KLHL32: variants seen among roughly 807,000 people sequenced by gnomAD.
The protein encoded by KLHL32 is kelch-like protein 32.
A neutral mutation model predicts 64.8 loss-of-function variants in KLHL32; 35 were observed. The ratio of observed to expected loss-of-function variants is 0.54; its 90% confidence interval spans 0.41 to 0.72. KLHL32 has a LOEUF of 0.72. KLHL32 is among the 30% of genes least tolerant of loss of function. KLHL32 has a pLI of 0.00. For missense variants in KLHL32, 589 were observed against 768.5 expected, an observed-to-expected ratio of 0.77 and a Z score of 2.76; for synonymous variants, 259 against 281.0, an observed-to-expected ratio of 0.92 and a Z score of 0.78.
At chr6:97,010,795 A>T (rs1780310310) in intron 3 of KLHL32, among the ~76,000 whole-genome samples, 1 of 152,238 alleles carries the variant, frequency 6.6e-6, no homozygotes. Flanking sequence ...TAAAAGGCAC[A>T]TTCCTTTATG....
At chr6:96,927,521 C>T (rs1305164754) in intron 1 of KLHL32, among the ~76,000 whole-genome samples, 2 of 152,040 alleles carry the variant, frequency 1.3e-5, no homozygotes, top group African/African-American at 4.8e-5. Context: ...TCTCCTAGAG[C>T]TACAGAGATG....
chr6:97,059,288 A>G (rs931402422), intron 4 of KLHL32, among the ~76,000 whole-genome samples: 2 of 152,316 alleles, frequency 1.3e-5, no homozygotes, highest in South Asian at 2.1e-4. Flanking sequence ...GAGTGTGGAG[A>G]CTAGTAGATT....
chr6:97,007,590 G>C (rs371015140), intron 3 of KLHL32, among the ~76,000 whole-genome samples: 15 of 152,164 alleles, frequency 9.9e-5, no homozygotes, highest in African/African-American at 3.6e-4. Context: ...TTCTTGCACT[G>C]GTTCTTTCTC....
At chr6:96,911,437 A>G in the KLHL32 span, among the ~76,000 whole-genome samples, 791 of 152,240 alleles carry the variant, frequency 5.2e-3, 4 homozygotes, top group Non-Finnish European at 8.5e-3. Context: ...ACAAACAATA[A>G]GCTTCTCAAT....
intron 1 of KLHL32, among the ~76,000 whole-genome samples, chr6:96,957,133 G>A (rs1773368664): frequency 6.6e-6 from 1 of 152,106 alleles, no homozygotes; most frequent in Non-Finnish European, 1.5e-5. Context: ...CTGATATCTA[G>A]TTCAATGATT....
At chr6:97,022,244 G>T (rs1373353298) in intron 3 of KLHL32, among the ~76,000 whole-genome samples, 1 of 150,664 alleles carries the variant, frequency 6.6e-6, no homozygotes, top group Admixed American at 6.6e-5. Context: ...TACATCATCT[G>T]TCATCCCTCC....
At chr6:97,091,221 C>T (rs973709702) in intron 6 of KLHL32, among the ~76,000 whole-genome samples, 2 of 152,078 alleles carry the variant, frequency 1.3e-5, no homozygotes, top group Non-Finnish European at 2.9e-5. Flanking sequence ...AGAAAAAAAA[C>T]AAAACAAAAC....
intron 4 of KLHL32, among the ~76,000 whole-genome samples, chr6:97,042,859 T>G (rs916885790): frequency 1.3e-5 from 2 of 152,236 alleles, no homozygotes; most frequent in Admixed American, 1.3e-4. Context: ...TCCCCAGTGT[T>G]GGAGGTCGGG....
chr6:97,038,026 T>C (rs952427807), intron 3 of KLHL32, among the ~76,000 whole-genome samples: 1 of 152,136 alleles, frequency 6.6e-6, no homozygotes, highest in African/African-American at 2.4e-5. Context: ...CAGATCCAAA[T>C]GTATTAAAGA....
At chr6:96,955,645 A>G (rs1357981873) in intron 1 of KLHL32, among the ~76,000 whole-genome samples, 1 of 152,184 alleles carries the variant, frequency 6.6e-6, no homozygotes, top group African/African-American at 2.4e-5. Context: ...GCTGATAAAG[A>G]CATACCCGAG....
At chr6:97,040,294 A>C (rs1295353384) in intron 3 of KLHL32, among the ~76,000 whole-genome samples, 1 of 152,026 alleles carries the variant, frequency 6.6e-6, no homozygotes, top group Non-Finnish European at 1.5e-5. Flanking sequence ...AGGTGCACAA[A>C]TTAGCATGGG....
intron 4 of KLHL32, among the ~76,000 whole-genome samples, chr6:97,044,198 G>A (rs1785570091): frequency 6.6e-6 from 1 of 152,042 alleles, no homozygotes; most frequent in Non-Finnish European, 1.5e-5. Context: ...TTTTTATCAT[G>A]ATAGGATGCT....
At chr6:97,070,651 A>C (rs1790566609) in intron 5 of KLHL32, among the ~76,000 whole-genome samples, 1 of 152,214 alleles carries the variant, frequency 6.6e-6, no homozygotes, top group Non-Finnish European at 1.5e-5. Context: ...TCCTGAAAGA[A>C]TATCTCTTGA....
intron 3 of KLHL32, among the ~76,000 whole-genome samples, chr6:97,041,006 C>T (rs1443676572): frequency 1.3e-5 from 2 of 152,158 alleles, no homozygotes; most frequent in Non-Finnish European, 2.9e-5. Context: ...TATAAGTCAC[C>T]TAGTCTCAGG....
intron 4 of KLHL32, among the ~76,000 whole-genome samples, chr6:97,063,321 G>A (rs1335417455): frequency 6.6e-6 from 1 of 152,120 alleles, no homozygotes; most frequent in Non-Finnish European, 1.5e-5. Context: ...TTCGATATAA[G>A]GCCTAAGGAA....
intron 5 of KLHL32, among the ~76,000 whole-genome samples, chr6:97,073,065 C>T (rs1314199259): frequency 1.3e-5 from 2 of 152,160 alleles, no homozygotes; most frequent in African/African-American, 4.8e-5. Context: ...GGTGAGTGCT[C>T]TATAAACCAG....
At chr6:96,911,824 CTTTTTTTTTTT>C in the KLHL32 span, among the ~76,000 whole-genome samples, 18 of 54,086 alleles carry the variant, frequency 3.3e-4, no homozygotes, top group East Asian at 5.8e-3. Context: ...CTCGGTCCTT[CTTTTTTTTTTT>C]TTTTTTTTTT....
chr6:96,949,329 TAGTC>T (rs200518424), intron 1 of KLHL32, among the ~76,000 whole-genome samples: 60 of 92,412 alleles, frequency 6.5e-4, no homozygotes, highest in Non-Finnish European at 7.5e-4. Flanking sequence ...ATATTCTAGT[TAGTC>T]AGTTTTCTCT....
intron 3 of KLHL32, among the ~76,000 whole-genome samples, chr6:96,989,505 C>A (rs1299191055): frequency 6.6e-6 from 1 of 151,936 alleles, no homozygotes; most frequent in East Asian, 1.9e-4. Flanking sequence ...ATGTGATTTG[C>A]CCTTTATCTC....
Sources: gnomAD v4.1 joint callset for allele counts (sites outside exome capture counted in the v4.1 genomes callset) on GRCh38, gnomAD v4.1.1 for gene constraint, MANE v1.5 for transcripts, NCBI Gene and HGNC (gene_info 2026-07-23, HGNC 2026-07-21) for gene names.